FNBP1: variants seen among roughly 807,000 people sequenced by gnomAD.
The protein encoded by FNBP1 is formin-binding protein 1.
A neutral mutation model predicts 90.6 loss-of-function variants in FNBP1; 26 were observed. The observed-to-expected ratio is 0.29, with a 90% CI of 0.21 to 0.40. The LOEUF is 0.40. Among genes scored for constraint, FNBP1 ranks in the 10% least tolerant of loss-of-function variants. FNBP1 has a pLI of 1.00. For missense variants in FNBP1, 635 were observed against 768.0 expected (o/e 0.83, Z 2.05); for synonymous variants, 260 against 265.2 (o/e 0.98, Z 0.19).
At chr9:129,973,333 C>G (rs2049780644) in intron 4 of FNBP1, among the ~76,000 whole-genome samples, 1 of 152,160 alleles carries the variant, frequency 6.6e-6, no homozygotes, top group Non-Finnish European at 1.5e-5. Flanking sequence ...CACCAGAAGA[C>G]AGAAATGATA....
the FNBP1 span, among the ~76,000 whole-genome samples, chr9:130,051,190 C>T: frequency 2.6e-5 from 4 of 152,122 alleles, no homozygotes; most frequent in East Asian, 1.9e-4. Flanking sequence ...CCTGAGCCAC[C>T]GCCCCTGGCC....
chr9:129,955,991 T>C (rs1235460934), intron 6 of FNBP1, among the ~76,000 whole-genome samples: 1 of 152,084 alleles, frequency 6.6e-6, no homozygotes, highest in Non-Finnish European at 1.5e-5. Context: ...AATTAATGTC[T>C]TTTGGTAAAG....
chr9:129,919,969 G>A (rs2040844175), intron 10 of FNBP1, among the ~76,000 whole-genome samples: 1 of 152,168 alleles, frequency 6.6e-6, no homozygotes, highest in African/African-American at 2.4e-5. Context: ...CCAAACTTTA[G>A]ATTTGCTTTT....
Position 129,889,945 on chromosome 9 carries a change from T to G in FNBP1, c.*594A>C. ...CCCTGCCTGCCAGATGCTCCCAGGT[T>G]GAGGGCATAGTGAAAGGGTCAATGT... On this transcript the variant is annotated 3_prime_UTR_variant, in exon 17 of 17. Transcript: ENST00000446176. The G allele has an allele frequency of 4.2e-6, 1 of 237,246 alleles. No homozygotes were observed. The highest frequency in any genetic ancestry group is 8.3e-6 in the Non-Finnish European group (1 of 120,562). The allele number at this position is 237,246 out of a possible 1,614,324, so 14.7% of individuals were successfully genotyped here.
chr9:129,892,469 C>T (rs1410276683), intron 16 of FNBP1, among the ~76,000 whole-genome samples: 1 of 149,982 alleles, frequency 6.7e-6, no homozygotes, highest in Non-Finnish European at 1.5e-5. Flanking sequence ...AGTTATGGGC[C>T]TAAGAAAACA....
chr9:130,050,523 T>C, the FNBP1 span, among the ~76,000 whole-genome samples: 1 of 152,092 alleles, frequency 6.6e-6, no homozygotes, highest in African/African-American at 2.4e-5. Flanking sequence ...CTGGAAGAAA[T>C]GGTGTTTCAA....
At chr9:129,940,398 AATAG>A (rs1258898979) in intron 6 of FNBP1, among the ~76,000 whole-genome samples, 1 of 152,184 alleles carries the variant, frequency 6.6e-6, no homozygotes, top group Non-Finnish European at 1.5e-5. Context: ...TTTAAAATTC[AATAG>A]ATGAGTTAAA....
At chr9:129,903,341 C>A (rs575975911) in intron 12 of FNBP1, among the ~76,000 whole-genome samples, 2 of 151,976 alleles carry the variant, frequency 1.3e-5, no homozygotes, top group African/African-American at 2.4e-5. Flanking sequence ...CGTGAGCTAC[C>A]GCACCACCCG....
chr9:129,967,858 T>C (rs946657083), intron 4 of FNBP1, among the ~76,000 whole-genome samples: 2 of 152,174 alleles, frequency 1.3e-5, no homozygotes, highest in East Asian at 3.8e-4. Context: ...CCATGAATGA[T>C]AAAATTTAAA....
chr9:129,966,510 T>C lies in FNBP1; in HGVS notation c.346-7957A>G, dbSNP rs144756168. Among the ~76,000 whole-genome samples the C allele has an allele frequency of 1.1e-4, 16 of 151,868 alleles. No individual in the cohort carries two copies. In the East Asian group the frequency reaches 1.6e-3, roughly 15 times the overall value. ...TTGGGAGGTCGAGATGGGCGGATCA[T>C]TTGAGGTCAGGAGTTCGAGACCAGC... On this transcript the variant is annotated intron_variant, in intron 4 of 16. Coordinates refer to ENST00000446176, the MANE Select transcript of FNBP1 (RefSeq NM_015033.3). This position sits in a 1 kb window ranked among gnomAD's most constrained non-coding sequence, Gnocchi z 4.3.
intron 1 of FNBP1, among the ~76,000 whole-genome samples, chr9:130,011,268 A>AT (rs1491424823): frequency 0.12 from 3,041 of 25,670 alleles, 207 homozygotes; most frequent in African/African-American, 0.17. Flanking sequence ...ATATATATAT[A>AT]AAATATATAT....
At chr9:130,015,556 C>T (rs1416504357) in intron 1 of FNBP1, among the ~76,000 whole-genome samples, 1 of 152,212 alleles carries the variant, frequency 6.6e-6, no homozygotes, top group Non-Finnish European at 1.5e-5. Context: ...ACACACTCAC[C>T]AACAGTATAC....
chr9:129,906,189 T>TAAGAA (rs2038028813), intron 12 of FNBP1, among the ~76,000 whole-genome samples: 1 of 152,188 alleles, frequency 6.6e-6, no homozygotes, highest in East Asian at 1.9e-4. Flanking sequence ...GGCCAATTTC[T>TAAGAA]TAATATTTGT....
intron 1 of FNBP1, among the ~76,000 whole-genome samples, chr9:130,007,371 T>G (rs115534533): frequency 6.6e-6 from 1 of 151,940 alleles, no homozygotes; most frequent in Non-Finnish European, 1.5e-5. Context: ...TTGTTGGATG[T>G]GCAACAAATG....
At chr9:130,030,326 T>C (rs1326514520) in intron 1 of FNBP1, among the ~76,000 whole-genome samples, 3 of 151,468 alleles carry the variant, frequency 2.0e-5, no homozygotes, top group African/African-American at 7.3e-5. Flanking sequence ...TCCCAGCTAC[T>C]CAGGAGGCTG....
rs1337144343 is a variant in FNBP1, at chr9:129,925,106, C to T, written c.841G>A (p.Asp281Asn). The T allele has an allele frequency of 6.2e-7, 1 of 1,613,926 alleles. No individual in the cohort carries two copies. Among genetic ancestry groups the T allele is most frequent in the Non-Finnish European group, 8.5e-7 (1 of 1,179,826 alleles). Residue 281 changes from aspartate to asparagine, a missense_variant, in exon 9 of 17, where the codon GAC (aspartate) becomes AAC (asparagine). Physicochemically the swap from Asp to Asn is conservative, Grantham distance 23. Coordinates refer to ENST00000446176, the MANE Select transcript of FNBP1 (RefSeq NM_015033.3). ...TGAGTGTAATCCTCAAATTCAATGT[C>T]TCCAGGAGGCTCAAACCCTGATTTA... Reference protein sequence around the residue: ...AYKSGFEPPGDIEFEDYTQPM... With the variant: ...AYKSGFEPPGNIEFEDYTQPM...
At chr9:129,949,478 C>T (rs1428178788) in intron 6 of FNBP1, among the ~76,000 whole-genome samples, 1 of 152,114 alleles carries the variant, frequency 6.6e-6, no homozygotes, top group Non-Finnish European at 1.5e-5. Flanking sequence ...TATAAGGGAA[C>T]TACTAAACAT....
chr9:129,984,270 TA>T (rs1363205530), intron 2 of FNBP1, among the ~76,000 whole-genome samples: 1 of 149,130 alleles, frequency 6.7e-6, no homozygotes, highest in South Asian at 2.1e-4. Flanking sequence ...CAGCAGAAAA[TA>T]AAAAAAATAA....
chr9:129,907,579 G>C (rs1429696276), intron 12 of FNBP1, among the ~76,000 whole-genome samples: 1 of 82,268 alleles, frequency 1.2e-5, no homozygotes, highest in Admixed American at 1.5e-4. Context: ...CTAGGAGTGA[G>C]GGTGTGTGTG....
Sources: allele counts gnomAD v4.1 joint callset (sites outside exome capture counted in the v4.1 genomes callset), GRCh38; gene constraint gnomAD v4.1.1; non-coding constraint Gnocchi (gnomAD v3.1); transcripts MANE v1.5; gene names NCBI Gene and HGNC (gene_info 2026-07-23, HGNC 2026-07-21).